IMMP2L: variants seen among roughly 807,000 people sequenced by gnomAD.
The protein encoded by IMMP2L is mitochondrial inner membrane protease subunit 2.
Under a neutral mutation model 19.3 loss-of-function variants are expected in IMMP2L, and 18 were observed. That is an observed-to-expected ratio of 0.93 (90% CI 0.64 to 1.38). The LOEUF is 1.38. IMMP2L is among the 40% of genes most tolerant of loss of function. The pLI is 0.00. For missense variants in IMMP2L, 233 were observed against 218.2 expected, an observed-to-expected ratio of 1.07 and a Z score of -0.43; for synonymous variants, 76 against 73.0, an observed-to-expected ratio of 1.04 and a Z score of -0.21.
intron 3 of IMMP2L, among the ~76,000 whole-genome samples, chr7:111,427,790 C>A (rs1331538465): frequency 1.3e-5 from 2 of 151,746 alleles, no homozygotes; most frequent in Non-Finnish European, 2.9e-5. Flanking sequence ...TCTAGCCCCA[C>A]ATATCAAAAA....
At chr7:111,051,214 C>T (rs1792974810) in intron 3 of IMMP2L, among the ~76,000 whole-genome samples, 1 of 152,100 alleles carries the variant, frequency 6.6e-6, no homozygotes, top group Non-Finnish European at 1.5e-5. Context: ...AAATCAAAGG[C>T]AAAGGGAGAC....
chr7:111,221,598 A>G (rs1477064729), intron 3 of IMMP2L, among the ~76,000 whole-genome samples: 7 of 152,074 alleles, frequency 4.6e-5, no homozygotes, highest in Admixed American at 2.0e-4. Context: ...GTATAATCAC[A>G]TTACGGGGAA....
At chr7:111,087,097 T>C (rs1417259033) in intron 3 of IMMP2L, among the ~76,000 whole-genome samples, 8 of 152,180 alleles carry the variant, frequency 5.3e-5, no homozygotes, top group Admixed American at 5.2e-4. Context: ...TTTTGGGACA[T>C]TGGGCAAGTA....
intron 4 of IMMP2L, among the ~76,000 whole-genome samples, chr7:110,925,412 A>T (rs539985368): frequency 6.6e-6 from 1 of 152,100 alleles, no homozygotes; most frequent in Non-Finnish European, 1.5e-5. Flanking sequence ...CAGGACACAC[A>T]CTTGTTTTTA....
chr7:110,758,283 C>G lies in IMMP2L; in HGVS notation c.409-94562G>C, dbSNP rs1284957614. Among the ~76,000 whole-genome samples the G allele has an allele frequency of 6.6e-6, 1 of 151,940 alleles. No homozygotes were observed. The highest frequency in any genetic ancestry group is 1.5e-5 in the Non-Finnish European group (1 of 67,974). ...AAGAGAATGGGAGGAGAAAAAACAC[C>G]AGTTGTGAGTAAAGACAACTTTTTG... On this transcript the variant is annotated intron_variant, in intron 5 of 5. Coordinates refer to ENST00000405709, the MANE Select transcript of IMMP2L (RefSeq NM_032549.4). This position sits in a 1 kb window ranked among gnomAD's most constrained non-coding sequence, Gnocchi z 4.6.
At chr7:110,762,418 A>C (rs1453965894) in intron 5 of IMMP2L, among the ~76,000 whole-genome samples, 2 of 152,130 alleles carry the variant, frequency 1.3e-5, no homozygotes, top group East Asian at 3.9e-4. Context: ...TAAGACCACT[A>C]CTGGCTGCAA....
At chr7:110,931,640 T>C (rs1417246256) in intron 4 of IMMP2L, among the ~76,000 whole-genome samples, 1 of 152,168 alleles carries the variant, frequency 6.6e-6, no homozygotes, top group Non-Finnish European at 1.5e-5. Flanking sequence ...ATTGCTTCCC[T>C]GGGTTACTAC....
intron 5 of IMMP2L, among the ~76,000 whole-genome samples, chr7:110,861,712 T>C (rs1165366930): frequency 6.8e-6 from 1 of 146,274 alleles, no homozygotes; most frequent in African/African-American, 2.8e-5. Context: ...TACTGAAAGG[T>C]CCCAAAAGCC....
intron 4 of IMMP2L, among the ~76,000 whole-genome samples, chr7:110,939,726 T>C (rs1052618800): frequency 1.6e-4 from 24 of 152,202 alleles, no homozygotes; most frequent in Non-Finnish European, 1.5e-5. Flanking sequence ...TCAGTGACTA[T>C]CTTTAAACAA....
At chr7:111,086,420 G>T (rs1160362028) in intron 3 of IMMP2L, among the ~76,000 whole-genome samples, 1 of 150,788 alleles carries the variant, frequency 6.6e-6, no homozygotes, top group Non-Finnish European at 1.5e-5. Context: ...GCCAGCCTGG[G>T]CAACAGAGCA....
chr7:111,125,120 C>G, intron 3 of IMMP2L: 1 of 432,088 alleles, frequency 2.3e-6, no homozygotes, highest in Non-Finnish European at 4.2e-6. Flanking sequence ...CTGTGGCAAC[C>G]AAATAAAATA....
intron 3 of IMMP2L, among the ~76,000 whole-genome samples, chr7:111,218,718 A>G (rs1812221154): frequency 6.6e-6 from 1 of 152,030 alleles, no homozygotes; most frequent in Non-Finnish European, 1.5e-5. Context: ...CTGATTAATT[A>G]TTTCAGGCTG....
At chr7:111,081,903 A>G (rs896694669) in intron 3 of IMMP2L, among the ~76,000 whole-genome samples, 2 of 152,212 alleles carry the variant, frequency 1.3e-5, no homozygotes, top group Non-Finnish European at 2.9e-5. Flanking sequence ...TACTTTCCAG[A>G]GTGAGGAAGA....
chr7:111,527,662 G>A (rs888669717), intron 1 of IMMP2L, among the ~76,000 whole-genome samples: 4 of 151,922 alleles, frequency 2.6e-5, no homozygotes, highest in African/African-American at 4.8e-5. Flanking sequence ...CAACAGTGAG[G>A]GAGCTGAAAC....
chr7:111,109,661 A>G (rs775008976), intron 3 of IMMP2L, among the ~76,000 whole-genome samples: 1 of 152,214 alleles, frequency 6.6e-6, no homozygotes, highest in African/African-American at 2.4e-5. Context: ...TATCACCTGT[A>G]AAGTGGGTAT....
intron 1 of IMMP2L, among the ~76,000 whole-genome samples, chr7:111,535,249 G>A (rs1405709230): frequency 6.6e-6 from 1 of 151,126 alleles, no homozygotes; most frequent in East Asian, 1.9e-4. Context: ...AATGCAGTAA[G>A]GTAGAGAAAT....
At chr7:111,236,913 G>T (rs1814391732) in intron 3 of IMMP2L, among the ~76,000 whole-genome samples, 1 of 152,002 alleles carries the variant, frequency 6.6e-6, no homozygotes, top group African/African-American at 2.4e-5. Flanking sequence ...CGGTGTATCT[G>T]GTCTTTTTTG....
chr7:110,955,909 C>G (rs1043827287), intron 4 of IMMP2L, among the ~76,000 whole-genome samples: 3 of 151,750 alleles, frequency 2.0e-5, no homozygotes, highest in African/African-American at 4.8e-5. Context: ...TTCTATTATT[C>G]AGAGCTACTG....
At chr7:111,283,807 T>C (rs1248524162) in intron 3 of IMMP2L, among the ~76,000 whole-genome samples, 1 of 150,842 alleles carries the variant, frequency 6.6e-6, no homozygotes. Flanking sequence ...CCGTCTCTAC[T>C]AAAAATACAA....
Sources: allele counts gnomAD v4.1 joint callset (sites outside exome capture counted in the v4.1 genomes callset), GRCh38; gene constraint gnomAD v4.1.1; non-coding constraint Gnocchi (gnomAD v3.1); transcripts MANE v1.5; gene names NCBI Gene and HGNC (gene_info 2026-07-23, HGNC 2026-07-21).